The following ZNF599 variants were observed in gnomAD, a reference collection of about 807,000 sequenced individuals.
ZNF599 encodes the protein zinc finger protein 599.
A neutral mutation model predicts 11.7 loss-of-function variants in ZNF599; 10 were observed. The ratio of observed to expected loss-of-function variants is 0.86; its 90% CI spans 0.53 to 1.45. ZNF599 has a LOEUF of 1.45. Among genes scored for constraint, ZNF599 ranks in the 40% most tolerant of loss-of-function variants. The pLI is 0.00. For synonymous variants in ZNF599, 232 were observed against 253.2 expected (o/e 0.92, Z 0.79); for missense variants, 688 against 713.6 (o/e 0.96, Z 0.41).
chr19:34,794,182 G>A, the ZNF599 span, among the ~76,000 whole-genome samples: 11 of 152,164 alleles, frequency 7.2e-5, no homozygotes, highest in South Asian at 4.2e-4. Flanking sequence ...ACCCCTCCCC[G>A]CTGCCCCACG....
the ZNF599 span, chr19:34,788,706 G>C: frequency 6.6e-6 from 1 of 152,090 alleles, no homozygotes; most frequent in Non-Finnish European, 1.5e-5. Flanking sequence ...ATTATCTGTA[G>C]AAAACGTGAC....
chr19:34,774,071 T>C (rs1188613341), upstream of ZNF599, among the ~76,000 whole-genome samples: 1 of 152,206 alleles, frequency 6.6e-6, no homozygotes, highest in Non-Finnish European at 1.5e-5. Context: ...GGCGTATGCA[T>C]CTTTTTAAAA....
rs749882789 is a variant in ZNF599, at chr19:34,759,386, G to A, written c.1415C>T (p.Thr472Ile). The A allele has an allele frequency of 3.7e-6, 6 of 1,613,914 alleles. No homozygotes were observed. The highest frequency in any genetic ancestry group is 3.3e-5 in the Admixed American group (2 of 60,002). Residue 472 changes from threonine (T) to isoleucine (I), a missense_variant, in exon 4 of 4, where the codon ACC becomes ATC. Physicochemically the swap from Thr to Ile is moderately conservative, Grantham distance 89. Transcript: ENST00000329285. ...HHSVFIRHNR[T>I]HSGQKPLECK... ...CTCCAAGGGTTTTTGTCCACTGTGG[G>A]TCCTATTATGTCGAATAAAAACAGA... is the stretch of plus-strand genomic sequence containing the variant.
the ZNF599 span, among the ~76,000 whole-genome samples, chr19:34,799,517 A>G: frequency 6.6e-6 from 1 of 152,188 alleles, no homozygotes; most frequent in South Asian, 2.1e-4. Context: ...TATGAAAAAA[A>G]TTTGCAATAG....
At chr19:34,798,436 C>G in the ZNF599 span, among the ~76,000 whole-genome samples, 2 of 152,220 alleles carry the variant, frequency 1.3e-5, no homozygotes, top group Non-Finnish European at 2.9e-5. Flanking sequence ...CCACAGAGAT[C>G]ATTCTAGCAT....
In ZNF599 at chr19:34,769,364, T is replaced by C; in HGVS notation, c.145+65A>G. The C allele has an allele frequency of 4.3e-6, 7 of 1,611,984 alleles. No homozygotes were observed. The South Asian group carries it at 7.7e-5, about 18-fold the overall frequency. On this transcript the variant is annotated intron_variant, in intron 2 of 3. Transcript: ENST00000329285. ...GGTTCTGAGGCTCCTGGACCAGCCA[T>C]GCCTAGAAAGGGTGGATTCAAAGAG...
chr19:34,797,249 T>C, the ZNF599 span, among the ~76,000 whole-genome samples: 1 of 152,194 alleles, frequency 6.6e-6, no homozygotes, highest in Non-Finnish European at 1.5e-5. Flanking sequence ...GTCTTTGCTA[T>C]TGTGAATAGT....
In ZNF599 at chr19:34,760,241, C is replaced by G; in HGVS notation, c.560G>C (p.Gly187Ala). Residue 187 changes from glycine (G) to alanine (A), a missense_variant, in exon 4 of 4, where the codon GGA becomes GCA. Transcript: ENST00000329285. ...CCTTGCATCAGTCATGGGGTCTTTT[C>G]CTGGTCCTTGAGAGTCACACTCATG... ...ALHECDSQGP[G>A]KDPMTDARNN... 1 of 1,614,126 alleles carries G rather than the reference C, an allele frequency of 6.2e-7. No individual in the cohort carries two copies.
In ZNF599 at chr19:34,769,413, G is replaced by A; in HGVS notation, c.145+16C>T. On this transcript the variant is annotated intron_variant, in intron 2 of 3. Coordinates refer to ENST00000329285, the MANE Select transcript of ZNF599 (RefSeq NM_001007248.3). ...AGGCTGTGGGTCCCCTACATGGGAG[G>A]GTAATGAGGTCTTACCCAGTGAGAC... The A allele has an allele frequency of 3.1e-6, 5 of 1,614,070 alleles. No individual in the cohort carries two copies. The highest frequency in any genetic ancestry group is 4.2e-6 in the Non-Finnish European group (5 of 1,179,990).
chr19:34,772,086 G>A (rs999010941), intron 1 of ZNF599, among the ~76,000 whole-genome samples: 42 of 152,338 alleles, frequency 2.8e-4, no homozygotes, highest in African/African-American at 9.9e-4. Context: ...AGTGTGACAT[G>A]CTGGAGAGTA....
At chr19:34,765,562 G>A (rs1314575956) in intron 3 of ZNF599, 2 of 702,786 alleles carry the variant, frequency 2.8e-6, no homozygotes, top group South Asian at 1.5e-5. Context: ...ACCTGAGAAG[G>A]CAGAAAGTGT....
chr19:34,790,884 AAAAAT>A, the ZNF599 span, among the ~76,000 whole-genome samples: 1 of 152,214 alleles, frequency 6.6e-6, no homozygotes, highest in African/African-American at 2.4e-5. Context: ...TTTGTCAATT[AAAAAT>A]AAAATTAAAA....
At chr19:34,764,994 G>A (rs562479050) in intron 3 of ZNF599, 3 of 144,604 alleles carry the variant, frequency 2.1e-5, no homozygotes, top group East Asian at 1.9e-4. Context: ...GGCTGTTCAG[G>A]TGAAATAGAG....
chr19:34,806,426 C>T, the ZNF599 span, among the ~76,000 whole-genome samples: 1 of 152,216 alleles, frequency 6.6e-6, no homozygotes, highest in Non-Finnish European at 1.5e-5. Flanking sequence ...TGTGTTCCTC[C>T]TCAGTTCACA....
At chr19:34,805,094 A>G in the ZNF599 span, among the ~76,000 whole-genome samples, 1 of 152,026 alleles carries the variant, frequency 6.6e-6, no homozygotes, top group East Asian at 1.9e-4. Context: ...TTTACCTACA[A>G]TTGTCTTGGT....
chr19:34,806,768 A>G, the ZNF599 span, among the ~76,000 whole-genome samples: 1 of 151,886 alleles, frequency 6.6e-6, no homozygotes, highest in Non-Finnish European at 1.5e-5. Context: ...TGCCCAAGGG[A>G]CTCTCCAAAC....
the ZNF599 span, among the ~76,000 whole-genome samples, chr19:34,793,738 G>A: frequency 6.6e-6 from 1 of 152,184 alleles, no homozygotes; most frequent in Non-Finnish European, 1.5e-5. Context: ...GCTACAGAGG[G>A]CAGGAAAATG....
At chr19:34,778,323 AT>A in the ZNF599 span, among the ~76,000 whole-genome samples, 1 of 150,866 alleles carries the variant, frequency 6.6e-6, no homozygotes, top group African/African-American at 2.4e-5. Flanking sequence ...AATAAAAAAT[AT>A]ATATATATAA....
chr19:34,780,333 C>A, the ZNF599 span, among the ~76,000 whole-genome samples: 11 of 152,064 alleles, frequency 7.2e-5, no homozygotes, highest in Admixed American at 6.6e-5. Context: ...CATGATGAGA[C>A]CCTGTCTCTA....
Sources: allele counts gnomAD v4.1 joint callset (sites outside exome capture counted in the v4.1 genomes callset), GRCh38; gene constraint gnomAD v4.1.1; transcripts MANE v1.5; gene names NCBI Gene and HGNC (gene_info 2026-07-23, HGNC 2026-07-21).